The following UBE2Q2 variants were observed in gnomAD, a reference collection of about 807,000 sequenced individuals.
The protein encoded by UBE2Q2 is ubiquitin-conjugating enzyme E2 Q2.
UBE2Q2 carries 54 observed loss-of-function variants against 59.9 expected under a neutral mutation model. That is an observed-to-expected ratio of 0.90 (90% CI 0.72 to 1.13). The LOEUF is 1.13. UBE2Q2 is among the 50% of genes most tolerant of loss of function. The pLI, the probability that UBE2Q2 is intolerant of heterozygous loss-of-function variation, is 0.00. For synonymous variants in UBE2Q2, 165 were observed against 155.2 expected (o/e 1.06, Z -0.47); for missense variants, 433 against 441.9 (o/e 0.98, Z 0.18).
chr15:75,847,910 G>T (rs866852836), intron 1 of UBE2Q2, among the ~76,000 whole-genome samples: 1 of 152,168 alleles, frequency 6.6e-6, no homozygotes. Context: ...TGTTTGCTAG[G>T]CTGCTTTTAG....
At chr15:75,884,158 T>C (rs1267247748) in intron 9 of UBE2Q2, among the ~76,000 whole-genome samples, 1 of 152,230 alleles carries the variant, frequency 6.6e-6, no homozygotes, top group Admixed American at 6.5e-5. Context: ...TTAGGTTAGT[T>C]ATGAAATGTT....
chr15:75,891,801 G>A (rs892900593), intron 11 of UBE2Q2, among the ~76,000 whole-genome samples: 3 of 152,168 alleles, frequency 2.0e-5, no homozygotes, highest in African/African-American at 7.2e-5. Context: ...CAAAGCCGGA[G>A]GTTTGTTACC....
chr15:75,860,003 T>C (rs1265882573), intron 3 of UBE2Q2, 21 bp downstream of exon 3: 1 of 1,522,884 alleles, frequency 6.6e-7, no homozygotes, highest in Non-Finnish European at 8.9e-7. Flanking sequence ...AATTCTCTAG[T>C]GTTCAAGAGC....
At chr15:75,846,659 A>G (rs530010646) in intron 1 of UBE2Q2, among the ~76,000 whole-genome samples, 1 of 152,208 alleles carries the variant, frequency 6.6e-6, no homozygotes, top group African/African-American at 2.4e-5. Context: ...ATGATTTGTT[A>G]TTCTCTAAAG....
intron 9 of UBE2Q2, 53 bp downstream of exon 9, chr15:75,883,477 T>TACATATACACACACACACG: frequency 6.9e-7 from 1 of 1,446,792 alleles, no homozygotes; most frequent in Non-Finnish European, 9.6e-7. Context: ...AAAAAAATTT[T>TACATATACACACACACACG]TTTTTATAGG....
intron 1 of UBE2Q2, among the ~76,000 whole-genome samples, chr15:75,845,386 G>A (rs1896291992): frequency 6.6e-6 from 1 of 152,166 alleles, no homozygotes; most frequent in South Asian, 2.1e-4. Context: ...TGGAGAAGGG[G>A]AGGATTTTCC....
At chr15:75,853,256 G>A (rs996172497) in intron 1 of UBE2Q2, among the ~76,000 whole-genome samples, 3 of 152,242 alleles carry the variant, frequency 2.0e-5, no homozygotes, top group Admixed American at 6.5e-5. Flanking sequence ...CTGATCACGA[G>A]ATCAGGAGTT....
intron 11 of UBE2Q2, among the ~76,000 whole-genome samples, chr15:75,896,340 C>T (rs1899420850): frequency 6.6e-6 from 1 of 152,190 alleles, no homozygotes; most frequent in Non-Finnish European, 1.5e-5. Context: ...GCAAAAATTT[C>T]TGCCACATAA....
At chr15:75,862,685 C>T (rs1261610498) in intron 3 of UBE2Q2, among the ~76,000 whole-genome samples, 2 of 151,470 alleles carry the variant, frequency 1.3e-5, no homozygotes, top group African/African-American at 4.9e-5. Context: ...TATGGTGGCA[C>T]CTGCCTGTAG....
intron 9 of UBE2Q2, among the ~76,000 whole-genome samples, chr15:75,883,839 T>TATATAC (rs924347206): frequency 6.6e-6 from 1 of 151,886 alleles, no homozygotes; most frequent in Non-Finnish European, 1.5e-5. Context: ...TATTTATACA[T>TATATAC]ACACACACAC....
chr15:75,872,865 A>G (rs1897871550), intron 4 of UBE2Q2, among the ~76,000 whole-genome samples: 1 of 142,848 alleles, frequency 7.0e-6, no homozygotes, highest in Middle Eastern at 3.6e-3. Context: ...AATTCTTTCT[A>G]TTCTTTTTTG....
In UBE2Q2 at chr15:75,849,219, C is replaced by T. The variant is rs145689863; in HGVS notation, c.181-5167C>T. 2.0e-3 allele frequency among the ~76,000 whole-genome samples: 298 copies of T among 152,258 alleles called. 2 individuals carry two copies. Among genetic ancestry groups the T allele is most frequent in the African/African-American group, 6.6e-3 (273 of 41,564 alleles). ...TAGAATTTTATTAAGGTACTATATG[C>T]TAATTCTGTCAATTTACTTCGTTCT... On this transcript the variant is annotated intron_variant, in intron 1 of 12. Coordinates refer to ENST00000267938, the MANE Select transcript of UBE2Q2 (RefSeq NM_173469.4).
At chr15:75,898,117 A>G (rs1275728980) in intron 12 of UBE2Q2, among the ~76,000 whole-genome samples, 1 of 152,222 alleles carries the variant, frequency 6.6e-6, no homozygotes, top group East Asian at 1.9e-4. Context: ...ATACTATTCT[A>G]AAGTTTCATA....
At chr15:75,890,105 C>T (rs1247087256) in intron 9 of UBE2Q2, among the ~76,000 whole-genome samples, 2 of 152,148 alleles carry the variant, frequency 1.3e-5, no homozygotes, top group African/African-American at 2.4e-5. Context: ...AACACGTGAA[C>T]GCCATTTAAG....
chr15:75,844,183 C>G (rs1022649722), intron 1 of UBE2Q2: 3 of 1,442,328 alleles, frequency 2.1e-6, no homozygotes, highest in Non-Finnish European at 2.7e-6. Flanking sequence ...GGCCTGCTCC[C>G]GGGACCGGGG....
intron 5 of UBE2Q2, among the ~76,000 whole-genome samples, chr15:75,874,673 C>G (rs1304556025): frequency 2.0e-5 from 3 of 152,150 alleles, no homozygotes; most frequent in Non-Finnish European, 4.4e-5. Flanking sequence ...TTTCACTTTC[C>G]TCAGCTCTAA....
Position 75,883,427 on chromosome 15 carries a change from A to G in UBE2Q2, c.884+3A>G, listed in dbSNP as rs1390572728. 1.2e-6 allele frequency: 2 copies of G among 1,610,192 alleles called. No homozygotes were observed. Among genetic ancestry groups the G allele is most frequent in the Middle Eastern group, 1.6e-4 (1 of 6,068 alleles). On this transcript the variant is annotated splice_donor_region_variant and intron_variant, in intron 9 of 12. Transcript: ENST00000267938. Reference sequence around the variant, plus strand: ...GTGTTACCTGTTCTCTCAGGAGGGTAAGTTTAAGTGACTACTTAAAAAGAA... The same window carrying G: ...GTGTTACCTGTTCTCTCAGGAGGGTGAGTTTAAGTGACTACTTAAAAAGAA...
chr15:75,876,110 T>C, intron 5 of UBE2Q2, 77 bp from the exon 6 acceptor site: 1 of 1,389,986 alleles, frequency 7.2e-7, no homozygotes, highest in Non-Finnish European at 1.0e-6. Flanking sequence ...ATTTTTGCTG[T>C]AATCTTTTAG....
chr15:75,849,367 A>T (rs1333909908), intron 1 of UBE2Q2, among the ~76,000 whole-genome samples: 2 of 152,236 alleles, frequency 1.3e-5, no homozygotes, highest in Non-Finnish European at 2.9e-5. Context: ...TTTTAAAAAA[A>T]TGATGAAATC....
Sources: gnomAD v4.1 joint callset for allele counts (sites outside exome capture counted in the v4.1 genomes callset) on GRCh38, gnomAD v4.1.1 for gene constraint, MANE v1.5 for transcripts, NCBI Gene and HGNC (gene_info 2026-07-23, HGNC 2026-07-21) for gene names.